The following MYCBPAP variants were observed in gnomAD, a reference collection of about 807,000 sequenced individuals.
MYCBPAP encodes the protein MYCBP-associated protein.
In MYCBPAP, 60 loss-of-function variants were observed where a neutral mutation model predicts 106.1. That is an observed-to-expected ratio of 0.57 (90% CI 0.46 to 0.70). The LOEUF (loss-of-function observed/expected upper bound fraction) is 0.70. MYCBPAP is among the 30% of genes least tolerant of loss of function. The pLI, the probability that MYCBPAP is intolerant of heterozygous loss-of-function variation, is 0.00. For synonymous variants in MYCBPAP, 407 were observed against 440.6 expected (o/e 0.92, Z 0.95); for missense variants, 1,064 against 1,169.3 (o/e 0.91, Z 1.31).
Position 50,517,654 on chromosome 17 carries a change from C to G in MYCBPAP, c.424C>G (p.Leu142Val). 6.2e-7 allele frequency: 1 copy of G among 1,614,202 alleles called. No homozygotes were observed. The highest frequency in any genetic ancestry group is 8.5e-7 in the Non-Finnish European group (1 of 1,180,046). Residue 142 changes from leucine (L) to valine (V), a missense_variant, in exon 4 of 19, where the codon CTC becomes GTC. Physicochemically the swap from Leu to Val is conservative, Grantham distance 32 (BLOSUM62 1). Transcript: ENST00000323776. Reference protein sequence around the residue: ...QILPHHILGSLQDFKRIALAR... With the variant: ...QILPHHILGSVQDFKRIALAR... Reference sequence around the variant, plus strand: ...CCTGCCCCACCACATCTTGGGGAGTCTCCAGGATTTTAAGAGAATTGCACT... The same window carrying G: ...CCTGCCCCACCACATCTTGGGGAGTGTCCAGGATTTTAAGAGAATTGCACT...
At position 50,513,311 on chromosome 17, in the gene MYCBPAP, C is replaced by T. The variant is rs190738123; in HGVS notation, c.77-3259C>T. ...CCGAGGCAGGAGAATCACTTGAGCC[C>T]GGGAGGCGGAGGTTGCAGTGAGCTG... On this transcript the variant is annotated intron_variant, in intron 1 of 18. Coordinates refer to ENST00000323776, the MANE Select transcript of MYCBPAP (RefSeq NM_032133.6). Among the ~76,000 whole-genome samples, 900 of 151,628 alleles carry T rather than the reference C, an allele frequency of 5.9e-3. 10 individuals carry two copies. Among genetic ancestry groups the T allele is most frequent in the African/African-American group, 0.021 (859 of 41,324 alleles).
In MYCBPAP at chr17:50,531,320, C is replaced by T. The variant is rs148497704; in HGVS notation, c.2725-7C>T. The T allele has an allele frequency of 3.1e-4, 495 of 1,605,288 alleles. No homozygotes were observed. The African/African-American group carries it at 6.0e-3, about 19-fold the overall frequency. Reference sequence around the variant, plus strand: ...ACTCTGCCTGTGATGTTGTCCCGTTCTTCCAGGTCCGTGGGCTGCTGGACA... The same window carrying T: ...ACTCTGCCTGTGATGTTGTCCCGTTTTTCCAGGTCCGTGGGCTGCTGGACA... On this transcript the variant is annotated splice_region_variant and splice_polypyrimidine_tract_variant and intron_variant, in intron 18 of 18. Transcript: ENST00000323776.
In MYCBPAP at chr17:50,531,486, C is replaced by A; in HGVS notation, c.*58C>A. Reference sequence around the variant, plus strand: ...GTTAATAAATAAATCAATAAAGAACCTTCAAGTTTCTACTACTTCCGTGTG... The same window carrying A: ...GTTAATAAATAAATCAATAAAGAACATTCAAGTTTCTACTACTTCCGTGTG... On this transcript the variant is annotated 3_prime_UTR_variant, in exon 19 of 19. Coordinates refer to ENST00000323776, the MANE Select transcript of MYCBPAP (RefSeq NM_032133.6). 7.6e-7 allele frequency: 1 copy of A among 1,321,108 alleles called. No individual in the cohort carries two copies. The highest frequency in any genetic ancestry group is 1.0e-6 in the Non-Finnish European group (1 of 953,674). The allele number at this position is 1,321,108 out of a possible 1,614,324, so 81.8% of individuals were successfully genotyped here. A position where few individuals can be genotyped will look rare whatever the true frequency, so the allele number is the denominator to read the frequency against.
chr17:50,528,257 G>A lies in MYCBPAP; in HGVS notation c.2394G>A (p.Val798=). ...AGAAGGAGACCATCTATTTGAATGTGCCTGAAGAGCAAGGTCAGATCTTGT... is the reference window on the plus strand; with the variant it reads ...AGAAGGAGACCATCTATTTGAATGTACCTGAAGAGCAAGGTCAGATCTTGT... The part of the protein sequence containing the change: ...LPEKETIYLN[V]PEEQDQKSPP... The change falls in exon 16 of 19, where the codon GTG becomes GTA. Residue 798 remains valine, a synonymous_variant. Transcript: ENST00000323776. The A allele has an allele frequency of 6.2e-7, 1 of 1,613,504 alleles. No individual in the cohort carries two copies. Among genetic ancestry groups the A allele is most frequent in the Non-Finnish European group, 8.5e-7 (1 of 1,179,724 alleles).
rs1354761494 is a variant in MYCBPAP, at chr17:50,518,841, C to A, written c.652+117C>A. ...CTGACCACATTTGTGCTTTCACTCCCAAGAGTGTCTCACTCTGAAGCTTCA... is the reference window on the plus strand; with the variant it reads ...CTGACCACATTTGTGCTTTCACTCCAAAGAGTGTCTCACTCTGAAGCTTCA... On this transcript the variant is annotated intron_variant, in intron 5 of 18. Transcript: ENST00000323776. 13 of 1,462,082 alleles carry A rather than the reference C, an allele frequency of 8.9e-6. No individual in the cohort carries two copies. In the Admixed American group the frequency reaches 1.5e-4, roughly 17 times the overall value. The allele number at this position is 1,462,082 out of a possible 1,614,324, so 90.6% of individuals were successfully genotyped here. A position where few individuals can be genotyped will look rare whatever the true frequency, so the allele number is the denominator to read the frequency against.
Position 50,521,233 on chromosome 17 carries a change from T to C in MYCBPAP, c.1032+8T>C, listed in dbSNP as rs555417758. 11 of 1,607,996 alleles carry C rather than the reference T, an allele frequency of 6.8e-6. No homozygotes were observed. The African/African-American group carries it at 1.3e-4, about 19-fold the overall frequency. On this transcript the variant is annotated splice_region_variant and intron_variant, in intron 8 of 18. Transcript: ENST00000323776. ...CTGGATTTCAGCCAGCAGGTTGGTA[T>C]GGCCTCCATGCCCCAGTCAGAAGCC...
chr17:50,526,213 G>A lies in MYCBPAP; in HGVS notation c.2115G>A (p.Glu705=), dbSNP rs1307178971. 1 of 1,613,058 alleles carries A rather than the reference G, an allele frequency of 6.2e-7. No individual in the cohort carries two copies. The highest frequency in any genetic ancestry group is 8.5e-7 in the Non-Finnish European group (1 of 1,179,930). ...PDVDSTKSPW[E]PDGLPLLEWN... is the part of the protein sequence containing the mutation. The stretch of plus-strand genomic sequence containing the variant: ...TGGACAGCACCAAGAGCCCCTGGGA[G>A]CCGGATGGCCTTCCCCTGCTGGAGT... The change falls in exon 14 of 19, where the codon GAG becomes GAA. Residue 705 remains glutamate (E), a synonymous_variant. Coordinates refer to ENST00000323776, the MANE Select transcript of MYCBPAP (RefSeq NM_032133.6).
intron 18 of MYCBPAP, chr17:50,529,524 A>T: frequency 2.7e-6 from 1 of 370,400 alleles, no homozygotes; most frequent in South Asian, 2.2e-5. Context: ...CTGCCATAGG[A>T]GGGAGGGGCC....
upstream of MYCBPAP, among the ~76,000 whole-genome samples, chr17:50,508,074 G>T (rs371648789): frequency 3.9e-5 from 6 of 152,292 alleles, no homozygotes; most frequent in South Asian, 1.2e-3. Context: ...AGTTGGGGAC[G>T]GCAGGCAGGG....
At position 50,508,471 on chromosome 17, in the gene MYCBPAP, C is replaced by G; in HGVS notation, c.-204C>G. 1 of 1,435,198 alleles carries G rather than the reference C, an allele frequency of 7.0e-7. No homozygotes were observed. The highest frequency in any genetic ancestry group is 9.3e-7 in the Non-Finnish European group (1 of 1,070,512). The allele number at this position is 1,435,198 out of a possible 1,614,324, so 88.9% of individuals were successfully genotyped here. ...TCTAGGGGTCCGTCGCTCTTGAAGC[C>G]GCCGGCGGCGGGCGCGTGCGCGGCC... On this transcript the variant is annotated 5_prime_UTR_variant, in exon 1 of 19. Transcript: ENST00000323776.
chr17:50,518,726 T>G lies in MYCBPAP; in HGVS notation c.652+2T>G. Reference sequence around the variant, plus strand: ...AGAAGCAGCAGGAAGCCCTCAGCGGTGAGCAGAGCAGACAGGGCTCCCGCC... The same window carrying G: ...AGAAGCAGCAGGAAGCCCTCAGCGGGGAGCAGAGCAGACAGGGCTCCCGCC... On this transcript the variant is annotated splice_donor_variant, in intron 5 of 18. Transcript: ENST00000323776. LOFTEE classifies it high-confidence loss of function. The G allele has an allele frequency of 1.3e-6, 2 of 1,573,630 alleles. No homozygotes were observed. The highest frequency in any genetic ancestry group is 1.7e-6 in the Non-Finnish European group (2 of 1,163,550).
At chr17:50,517,253 C>A in intron 2 of MYCBPAP, 40 bp from the exon 3 acceptor site, 1 of 1,589,218 alleles carries the variant, frequency 6.3e-7, no homozygotes, top group South Asian at 1.1e-5. Context: ...TTCCTCCTGC[C>A]ACCACAGGTG....
Position 50,508,584 on chromosome 17 carries a change from C to T in MYCBPAP, c.-91C>T. ...CGCGGGGCACCGGTTGCTGTGGACG[C>T]AGTGGCGGCCGTTGGCTGGCGGGTG... On this transcript the variant is annotated 5_prime_UTR_variant, in exon 1 of 19. Transcript: ENST00000323776. The T allele has an allele frequency of 1.3e-6, 2 of 1,553,922 alleles. No individual in the cohort carries two copies. Among genetic ancestry groups the T allele is most frequent in the Non-Finnish European group, 1.7e-6 (2 of 1,148,206 alleles).
intron 1 of MYCBPAP, among the ~76,000 whole-genome samples, chr17:50,513,365 G>A (rs2033929327): frequency 6.6e-6 from 1 of 151,086 alleles, no homozygotes; most frequent in South Asian, 2.1e-4. Flanking sequence ...CCAGCCTGGG[G>A]GACAGAGTGA....
At chr17:50,510,495 G>GTATA (rs1320539341) in intron 1 of MYCBPAP, 97 of 93,008 alleles carry the variant, frequency 1.0e-3, no homozygotes, top group Middle Eastern at 5.3e-3. Flanking sequence ...GTGTGTGTGT[G>GTATA]TGTGTATATA....
In MYCBPAP at chr17:50,519,746, T is replaced by C. The variant is rs753145754; in HGVS notation, c.875T>C (p.Ile292Thr). The C allele has an allele frequency of 3.1e-6, 5 of 1,613,892 alleles. No individual in the cohort carries two copies. The African/African-American group carries it at 4.0e-5, about 13-fold the overall frequency. The change falls in exon 7 of 19, where the codon ATC (isoleucine) becomes ACC (threonine). Residue 292 changes from isoleucine (I) to threonine (T), a missense_variant. By Grantham distance (89) the Ile-to-Thr change is moderately conservative. Transcript: ENST00000323776. ...TKTQRGLMEPITHIRKPHSIR... is the reference protein window; with the variant it reads ...TKTQRGLMEPTTHIRKPHSIR... ...ACTCAGCGTGGCCTCATGGAGCCCATCACTCACATCAGGAAGCCCCACTCC... is the reference window on the plus strand; with the variant it reads ...ACTCAGCGTGGCCTCATGGAGCCCACCACTCACATCAGGAAGCCCCACTCC...
intron 13 of MYCBPAP, among the ~76,000 whole-genome samples, chr17:50,525,279 C>T (rs1019852845): frequency 2.8e-4 from 43 of 152,220 alleles, no homozygotes; most frequent in African/African-American, 9.2e-4. Context: ...GTGGAAGTTT[C>T]ATCCTGAAAC....
intron 1 of MYCBPAP, among the ~76,000 whole-genome samples, chr17:50,515,307 C>A (rs975482776): frequency 2.6e-5 from 4 of 152,134 alleles, no homozygotes; most frequent in Admixed American, 2.6e-4. Context: ...TCTTGTTTCC[C>A]ATTGGGCATG....
chr17:50,526,216 G>T lies in MYCBPAP; in HGVS notation c.2118G>T (p.Pro706=). The change falls in exon 14 of 19, where the codon CCG becomes CCT. Residue 706 remains proline (P), a synonymous_variant. Transcript: ENST00000323776. ...ACAGCACCAAGAGCCCCTGGGAGCC[G>T]GATGGCCTTCCCCTGCTGGAGTGGA... ...DVDSTKSPWE[P]DGLPLLEWNL... 1 of 1,612,894 alleles carries T rather than the reference G, an allele frequency of 6.2e-7. No homozygotes were observed. Among genetic ancestry groups the T allele is most frequent in the South Asian group, 1.1e-5 (1 of 91,022 alleles).
Sources: gnomAD v4.1 joint callset for allele counts (sites outside exome capture counted in the v4.1 genomes callset) on GRCh38, gnomAD v4.1.1 for gene constraint, MANE v1.5 for transcripts, NCBI Gene and HGNC (gene_info 2026-07-23, HGNC 2026-07-21) for gene names.